Variants in COG5 observed in about 807,000 individuals in gnomAD.
The protein encoded by COG5 is conserved oligomeric Golgi complex subunit 5.
Under a neutral mutation model 110.4 loss-of-function variants are expected in COG5, and 86 were observed. That is an observed-to-expected ratio of 0.78 (90% confidence interval 0.65 to 0.93). The LOEUF (loss-of-function observed/expected upper bound fraction) is 0.93, where lower values mean the gene tolerates loss of function less well. Among genes scored for constraint, COG5 ranks in the 40% least tolerant of loss-of-function variants. The pLI, the probability that COG5 is intolerant of heterozygous loss-of-function variation, is 0.00. For synonymous variants in COG5, 360 were observed against 334.6 expected (o/e 1.08, Z -0.83); for missense variants, 1,077 against 987.0 (o/e 1.09, Z -1.22).
chr7:107,372,998 GTCC>G (rs997965971), intron 7 of COG5, among the ~76,000 whole-genome samples: 22 of 151,774 alleles, frequency 1.4e-4, no homozygotes, highest in African/African-American at 5.1e-4. Context: ...TACCATTTTT[GTCC>G]TCCTTTAAAA....
intron 7 of COG5, among the ~76,000 whole-genome samples, chr7:107,380,127 T>C (rs1451450898): frequency 6.6e-6 from 1 of 151,510 alleles, no homozygotes; most frequent in Non-Finnish European, 1.5e-5. Context: ...TTCACTCAAA[T>C]TTCTCACACA....
chr7:107,304,988 AAACAAGTCATT>A (rs1189248390), intron 11 of COG5, among the ~76,000 whole-genome samples: 1 of 152,220 alleles, frequency 6.6e-6, no homozygotes, highest in African/African-American at 2.4e-5. Flanking sequence ...GAAGGACAAT[AAACAAGTCATT>A]ATGTAACATA....
intron 17 of COG5, 112 bp from the exon 18 acceptor site, chr7:107,236,799 C>T: frequency 2.5e-6 from 2 of 785,636 alleles, no homozygotes; most frequent in South Asian, 2.8e-5. Context: ...AATGTTTTCC[C>T]TTAATGGTAT....
At chr7:107,454,498 A>G (rs1252594365) in intron 6 of COG5, among the ~76,000 whole-genome samples, 1 of 152,168 alleles carries the variant, frequency 6.6e-6, no homozygotes, top group African/African-American at 2.4e-5. Context: ...TCTTTAAAGT[A>G]TTTTTTATAT....
intron 19 of COG5, among the ~76,000 whole-genome samples, chr7:107,213,114 C>G (rs1478927295): frequency 6.6e-6 from 1 of 151,964 alleles, no homozygotes; most frequent in Non-Finnish European, 1.5e-5. Context: ...TTGCTGCCAG[C>G]AGCGGCACCT....
intron 19 of COG5, among the ~76,000 whole-genome samples, chr7:107,226,803 C>A (rs992319957): frequency 6.6e-6 from 1 of 152,148 alleles, no homozygotes; most frequent in South Asian, 2.1e-4. Context: ...GTATCAGTCC[C>A]ATCAAACAAC....
chr7:107,373,450 C>T (rs1177260109), intron 7 of COG5, among the ~76,000 whole-genome samples: 2 of 152,102 alleles, frequency 1.3e-5, no homozygotes, highest in African/African-American at 4.8e-5. Flanking sequence ...TCAGAGAATG[C>T]ACCTCTGAGG....
At chr7:107,523,677 T>C (rs767617156) in intron 6 of COG5, among the ~76,000 whole-genome samples, 1 of 152,076 alleles carries the variant, frequency 6.6e-6, no homozygotes, top group Non-Finnish European at 1.5e-5. Context: ...TAGCCGGGCA[T>C]GGTGGTGGGC....
intron 3 of COG5, among the ~76,000 whole-genome samples, chr7:107,550,030 T>A (rs1472468673): frequency 6.6e-6 from 1 of 152,004 alleles, no homozygotes; most frequent in Non-Finnish European, 1.5e-5. Context: ...TCCCCTGTAC[T>A]GTTACATCAA....
At chr7:107,370,511 C>A (rs938008415) in intron 8 of COG5, among the ~76,000 whole-genome samples, 1 of 151,940 alleles carries the variant, frequency 6.6e-6, no homozygotes, top group Admixed American at 6.6e-5. Flanking sequence ...ATTGGCTGGG[C>A]GCGGTGGCTC....
chr7:107,278,967 T>G (rs1472979462), intron 14 of COG5, among the ~76,000 whole-genome samples: 1 of 152,086 alleles, frequency 6.6e-6, no homozygotes, highest in Non-Finnish European at 1.5e-5. Context: ...AGCTTCTGCA[T>G]AGCCAAAGAA....
intron 6 of COG5, among the ~76,000 whole-genome samples, chr7:107,441,539 C>T (rs1271948821): frequency 6.6e-6 from 1 of 152,168 alleles, no homozygotes; most frequent in Non-Finnish European, 1.5e-5. Flanking sequence ...TAATCCAGAG[C>T]TTACATTTTA....
At chr7:107,399,859 G>A (rs750914596) in intron 7 of COG5, among the ~76,000 whole-genome samples, 13 of 152,162 alleles carry the variant, frequency 8.5e-5, no homozygotes, top group African/African-American at 2.2e-4. Context: ...TAAAAAGTAC[G>A]AGAACCTCCT....
chr7:107,344,651 A>C (rs749380186), intron 10 of COG5, among the ~76,000 whole-genome samples: 13 of 152,154 alleles, frequency 8.5e-5, no homozygotes, highest in Non-Finnish European at 1.8e-4. Context: ...CAGCCTCCTG[A>C]GTAGCTGGGA....
chr7:107,246,281 T>C (rs1387157627), intron 17 of COG5, among the ~76,000 whole-genome samples: 1 of 152,106 alleles, frequency 6.6e-6, no homozygotes, highest in Non-Finnish European at 1.5e-5. Context: ...ACCTAGGCAA[T>C]ACTATCCTGA....
chr7:107,287,520 A>G (rs1562951707), intron 12 of COG5, among the ~76,000 whole-genome samples: 1 of 152,232 alleles, frequency 6.6e-6, no homozygotes, highest in Non-Finnish European at 1.5e-5. Context: ...AATCACTGAA[A>G]GTATACAATT....
In COG5 at chr7:107,203,203, G is replaced by A. The variant is rs931075544; in HGVS notation, c.*313C>T. On this transcript the variant is annotated 3_prime_UTR_variant, in exon 22 of 22. Transcript: ENST00000297135. Reference sequence around the variant, plus strand: ...ATCATATCCCTTTAAAAGAAGTGGGGACTTTGGGTTTATGTACCCATAGGA... The same window carrying A: ...ATCATATCCCTTTAAAAGAAGTGGGAACTTTGGGTTTATGTACCCATAGGA... 1 of 384,914 alleles carries A rather than the reference G, an allele frequency of 2.6e-6. No individual in the cohort carries two copies. Among genetic ancestry groups the A allele is most frequent in the African/African-American group, 2.1e-5 (1 of 48,478 alleles). The allele number at this position is 384,914 out of a possible 1,614,324, so 23.8% of individuals were successfully genotyped here.
At chr7:107,457,664 C>A (rs1481952613) in intron 6 of COG5, among the ~76,000 whole-genome samples, 1 of 151,656 alleles carries the variant, frequency 6.6e-6, no homozygotes, top group Non-Finnish European at 1.5e-5. Context: ...CTCCTGAAGT[C>A]GTGATCCCCC....
At chr7:107,396,728 T>A (rs1164804995) in intron 7 of COG5, among the ~76,000 whole-genome samples, 1 of 152,086 alleles carries the variant, frequency 6.6e-6, no homozygotes, top group Non-Finnish European at 1.5e-5. Context: ...GAAGAAGACA[T>A]TCTAACAAGT....
Sources: gnomAD v4.1 joint callset for allele counts (sites outside exome capture counted in the v4.1 genomes callset) on GRCh38, gnomAD v4.1.1 for gene constraint, MANE v1.5 for transcripts, NCBI Gene and HGNC (gene_info 2026-07-23, HGNC 2026-07-21) for gene names.